Variants in SEC22A observed in about 807,000 individuals in gnomAD.
The protein encoded by SEC22A is SEC22 homolog A, vesicle trafficking protein, also known as vesicle-trafficking protein SEC22a.
A neutral mutation model predicts 35.3 loss-of-function variants in SEC22A; 22 were observed. The ratio of observed to expected loss-of-function variants is 0.62; its 90% CI spans 0.45 to 0.89. The LOEUF is 0.89. Among genes scored for constraint, SEC22A ranks in the 40% least tolerant of loss-of-function variants. The pLI, the probability that SEC22A is intolerant of heterozygous loss-of-function variation, is 0.00. For synonymous variants in SEC22A, 119 were observed against 129.5 expected, an observed-to-expected ratio of 0.92 and a Z score of 0.55; for missense variants, 354 against 362.5, an observed-to-expected ratio of 0.98 and a Z score of 0.19.
chr3:123,225,918 T>C (rs1345606055), intron 4 of SEC22A, among the ~76,000 whole-genome samples: 2 of 147,040 alleles, frequency 1.4e-5, no homozygotes, highest in Non-Finnish European at 3.0e-5. Context: ...TTTTAAACTT[T>C]AGCTCCCACA....
intron 2 of SEC22A, among the ~76,000 whole-genome samples, chr3:123,218,864 T>G (rs1937076512): frequency 6.6e-6 from 1 of 152,338 alleles, no homozygotes; most frequent in East Asian, 1.9e-4. Flanking sequence ...ACACAAAATA[T>G]TCTAAGTGCT....
chr3:123,206,028 A>AT lies in SEC22A; in HGVS notation c.-19-3168dup, dbSNP rs1316443721. Among the ~76,000 whole-genome samples the AT allele has an allele frequency of 2.6e-5, 4 of 152,236 alleles. No homozygotes were observed. The East Asian group carries it at 5.8e-4, about 22-fold the overall frequency. ...AGAATAACTTTGAAGACTACATGAAATTTGGCAACCTATTAATGAAGTCTA... is the reference window on the plus strand; with the variant it reads ...AGAATAACTTTGAAGACTACATGAAATTTTGGCAACCTATTAATGAAGTCTA... On this transcript the variant is annotated intron_variant, in intron 1 of 6. Transcript: ENST00000492595.
At chr3:123,257,165 T>C (rs6782691) in intron 5 of SEC22A, among the ~76,000 whole-genome samples, 7,121 of 152,246 alleles carry the variant, frequency 0.047, 257 homozygotes, top group African/African-American at 0.1. Context: ...GTCTTCTCTG[T>C]ATCAATTAAA....
chr3:123,249,040 T>C (rs1937589256), intron 5 of SEC22A, among the ~76,000 whole-genome samples: 2 of 152,196 alleles, frequency 1.3e-5, no homozygotes, highest in African/African-American at 2.4e-5. Flanking sequence ...ACCCCCTCCT[T>C]GGATTCAATA....
chr3:123,266,639 G>A (rs1938032038), intron 6 of SEC22A, among the ~76,000 whole-genome samples: 1 of 152,078 alleles, frequency 6.6e-6, no homozygotes, highest in Non-Finnish European at 1.5e-5. Context: ...TGTGATTAGA[G>A]AACACACATT....
chr3:123,225,151 T>C lies in SEC22A; in HGVS notation c.395T>C (p.Leu132Pro). Residue 132 changes from leucine (L) to proline (P), a missense_variant, in exon 4 of 7, where the codon CTT becomes CCT. By Grantham distance (98) the Leu-to-Pro change is moderately conservative. Transcript: ENST00000492595. ...CAGCGATATAATAATCCCAGGTCTC[T>C]TTCAACAAAGATAAATCTTTCTGAC... ...TKQRYNNPRS[L>P]STKINLSDMQ... is the part of the protein sequence containing the mutation. 1 of 1,613,632 alleles carries C rather than the reference T, an allele frequency of 6.2e-7. No homozygotes were observed. Among genetic ancestry groups the C allele is most frequent in the Non-Finnish European group, 8.5e-7 (1 of 1,179,652 alleles).
intron 5 of SEC22A, among the ~76,000 whole-genome samples, chr3:123,254,758 A>G (rs958476107): frequency 1.3e-5 from 2 of 151,764 alleles, no homozygotes; most frequent in African/African-American, 2.4e-5. Flanking sequence ...TTATACTTCA[A>G]GTTCTAGGGT....
intron 3 of SEC22A, among the ~76,000 whole-genome samples, chr3:123,224,592 T>C (rs1378183164): frequency 6.6e-6 from 1 of 152,164 alleles, no homozygotes; most frequent in Non-Finnish European, 1.5e-5. Flanking sequence ...GGCCAGGAGT[T>C]CGAGACCACC....
Position 123,273,460 on chromosome 3 carries a change from C to T in SEC22A, c.*1738C>T, listed in dbSNP as rs1938220624. 1 of 152,116 alleles carries T rather than the reference C, an allele frequency of 6.6e-6. No homozygotes were observed. The highest frequency in any genetic ancestry group is 6.5e-5 in the Admixed American group (1 of 15,276). 9.4% of individuals were successfully genotyped at this position (152,116 alleles called of 1,614,324 possible). ...ACAAGATCCTGAATCATCAAAACAC[C>T]ATTGAATTGTGTTGGGCATTTTGTA... On this transcript the variant is annotated 3_prime_UTR_variant, in exon 7 of 7. Transcript: ENST00000492595.
intron 6 of SEC22A, among the ~76,000 whole-genome samples, chr3:123,267,904 C>T (rs772924361): frequency 3.3e-5 from 5 of 152,182 alleles, no homozygotes; most frequent in Non-Finnish European, 7.4e-5. Context: ...TTTCTGGCCT[C>T]TGTGGTTTCT....
At chr3:123,247,819 C>T (rs1028381351) in intron 5 of SEC22A, among the ~76,000 whole-genome samples, 2 of 152,170 alleles carry the variant, frequency 1.3e-5, no homozygotes, top group Non-Finnish European at 2.9e-5. Context: ...AAATCCTCAA[C>T]AAAATACTAT....
chr3:123,209,431 T>A lies in SEC22A; in HGVS notation c.182+32T>A. ...CTTCAGTTTGCTTCATTTGACTCAT[T>A]TGCCCAGTAGTTGTCATTTTAATGA... On this transcript the variant is annotated intron_variant, in intron 2 of 6. Transcript: ENST00000492595. The A allele has an allele frequency of 3.2e-6, 5 of 1,564,144 alleles. No homozygotes were observed. In the South Asian group the frequency reaches 5.7e-5, roughly 18 times the overall value.
chr3:123,267,100 T>C (rs749412522), intron 6 of SEC22A, among the ~76,000 whole-genome samples: 8 of 152,136 alleles, frequency 5.3e-5, no homozygotes, highest in Non-Finnish European at 1.2e-4. Flanking sequence ...ACTGTTTATG[T>C]GATAAATCCT....
At chr3:123,255,183 C>T (rs1239912975) in intron 5 of SEC22A, among the ~76,000 whole-genome samples, 1 of 152,212 alleles carries the variant, frequency 6.6e-6, no homozygotes, top group African/African-American at 2.4e-5. Context: ...AACATAGACA[C>T]AAGTCACTGT....
intron 5 of SEC22A, among the ~76,000 whole-genome samples, chr3:123,254,717 C>T (rs1010135094): frequency 6.6e-6 from 1 of 150,612 alleles, no homozygotes; most frequent in Non-Finnish European, 1.5e-5. Context: ...TGCTCCTTTA[C>T]CCTCTATTTC....
At chr3:123,221,470 CAAAAAAAAAAAAAA>C (rs56800842) in intron 2 of SEC22A, among the ~76,000 whole-genome samples, 1 of 60,614 alleles carries the variant, frequency 1.6e-5, no homozygotes, top group Non-Finnish European at 2.9e-5. Flanking sequence ...GAGTCCATCT[CAAAAAAAAAAAAAA>C]AAAAAAAAAA....
intron 6 of SEC22A, among the ~76,000 whole-genome samples, chr3:123,262,743 A>C (rs1309406231): frequency 1.3e-5 from 2 of 152,224 alleles, no homozygotes; most frequent in African/African-American, 4.8e-5. Context: ...GGATATTTTC[A>C]ACTTATAATG....
At chr3:123,235,337 A>T (rs1449746986) in intron 4 of SEC22A, among the ~76,000 whole-genome samples, 1 of 152,258 alleles carries the variant, frequency 6.6e-6, no homozygotes, top group African/African-American at 2.4e-5. Flanking sequence ...ACTAAACGAT[A>T]AAAAGACATA....
intron 5 of SEC22A, among the ~76,000 whole-genome samples, chr3:123,259,050 T>G (rs1937815273): frequency 6.6e-6 from 1 of 152,222 alleles, no homozygotes; most frequent in African/African-American, 2.4e-5. Context: ...CAGTAGCTTT[T>G]CAGTTTTCAC....
Sources: gnomAD v4.1 joint callset for allele counts (sites outside exome capture counted in the v4.1 genomes callset) on GRCh38, gnomAD v4.1.1 for gene constraint, MANE v1.5 for transcripts, NCBI Gene and HGNC (gene_info 2026-07-23, HGNC 2026-07-21) for gene names.